BABAM2: variants seen among roughly 807,000 people sequenced by gnomAD.
BABAM2 encodes the protein BRISC and BRCA1-A complex member 2.
In BABAM2, 31 loss-of-function variants were observed where a neutral mutation model predicts 54.7. That is an observed-to-expected ratio of 0.57 (90% CI 0.43 to 0.77). BABAM2 has a LOEUF of 0.77. Among genes scored for constraint, BABAM2 ranks in the 30% least tolerant of loss-of-function variants. BABAM2 has a pLI of 0.00. For missense variants in BABAM2, 364 were observed against 455.8 expected, an observed-to-expected ratio of 0.80 and a Z score of 1.83; for synonymous variants, 167 against 162.9, an observed-to-expected ratio of 1.03 and a Z score of -0.19.
chr2:27,888,740 T>C (rs973061523), upstream of BABAM2, among the ~76,000 whole-genome samples: 1 of 152,064 alleles, frequency 6.6e-6, no homozygotes, highest in Admixed American at 6.6e-5. Context: ...CAGGATGTTC[T>C]TGTAAGGCTT....
At chr2:28,116,261 T>C (rs1456726754) in intron 6 of BABAM2, among the ~76,000 whole-genome samples, 1 of 152,180 alleles carries the variant, frequency 6.6e-6, no homozygotes, top group South Asian at 2.1e-4. Context: ...GGCCTTCCCA[T>C]AGACAGTTCC....
chr2:27,947,930 A>G lies in BABAM2; in HGVS notation c.205+18022A>G, dbSNP rs1669419523. ...GTGTGAGCATTTTTCTTAACTTTCT[A>G]GTCTGTCCTGTAGGTCTATATATCT... On this transcript the variant is annotated intron_variant, in intron 3 of 11. Transcript: ENST00000379624. Among the ~76,000 whole-genome samples, 5 of 152,138 alleles carry G rather than the reference A, an allele frequency of 3.3e-5. No individual in the cohort carries two copies. In the South Asian group the frequency reaches 1.0e-3, roughly 31 times the overall value.
At chr2:28,167,693 C>CAAAAAAA (rs373375104) in intron 7 of BABAM2, among the ~76,000 whole-genome samples, 2 of 103,800 alleles carry the variant, frequency 1.9e-5, no homozygotes, top group Non-Finnish European at 3.8e-5. Context: ...GACTCCATCT[C>CAAAAAAA]AAAAAAATAA....
At chr2:28,199,697 C>G (rs1678042158) in intron 7 of BABAM2, among the ~76,000 whole-genome samples, 1 of 152,128 alleles carries the variant, frequency 6.6e-6, no homozygotes, top group African/African-American at 2.4e-5. Context: ...AGAAAACGAA[C>G]TTCTGTGGTG....
intron 3 of BABAM2, among the ~76,000 whole-genome samples, chr2:27,976,410 T>A (rs1259663873): frequency 6.6e-6 from 1 of 152,084 alleles, no homozygotes; most frequent in East Asian, 1.9e-4. Flanking sequence ...ATGCAGCAAT[T>A]TGAGTCTCAA....
At chr2:28,171,129 A>C (rs1048724367) in intron 7 of BABAM2, among the ~76,000 whole-genome samples, 2 of 151,592 alleles carry the variant, frequency 1.3e-5, no homozygotes, top group Non-Finnish European at 2.9e-5. Flanking sequence ...ATATATATAT[A>C]TCTTGGAGAT....
chr2:28,073,298 C>G (rs185482865), intron 6 of BABAM2, among the ~76,000 whole-genome samples: 2 of 151,984 alleles, frequency 1.3e-5, no homozygotes, highest in Admixed American at 1.3e-4. Flanking sequence ...GGTTTGAGAC[C>G]AGCCTGGGCA....
intron 3 of BABAM2, among the ~76,000 whole-genome samples, chr2:27,962,269 CTAA>C (rs1177906860): frequency 6.6e-6 from 1 of 152,068 alleles, no homozygotes; most frequent in Non-Finnish European, 1.5e-5. Flanking sequence ...CTGCATCTGG[CTAA>C]TGTTTTAATT....
At position 28,071,174 on chromosome 2, in the gene BABAM2, C is replaced by G. The variant is rs141897057; in HGVS notation, c.570+25375C>G. 6.3e-3 allele frequency among the ~76,000 whole-genome samples: 959 copies of G among 152,316 alleles called. 7 individuals carry two copies. Among genetic ancestry groups the G allele is most frequent in the Non-Finnish European group, 7.9e-3 (536 of 68,014 alleles). ...GGAAGAAACCCTCGACATTCTTTGT[C>G]TTCATCACCGAGCTGCCCCTCAACT... On this transcript the variant is annotated intron_variant, in intron 6 of 11. Coordinates refer to ENST00000379624, the MANE Select transcript of BABAM2 (RefSeq NM_199191.3).
intron 3 of BABAM2, among the ~76,000 whole-genome samples, chr2:27,987,774 C>T (rs1333381229): frequency 4.1e-5 from 6 of 147,536 alleles, no homozygotes; most frequent in Admixed American, 1.4e-4. Context: ...AAGATGACAC[C>T]GTTGCACTCC....
intron 6 of BABAM2, among the ~76,000 whole-genome samples, chr2:28,109,498 C>T (rs929332817): frequency 6.6e-6 from 1 of 152,014 alleles, no homozygotes; most frequent in Admixed American, 6.5e-5. Flanking sequence ...AAGACACATA[C>T]TCTTAAGGTA....
At chr2:28,196,901 G>A (rs1449187070) in intron 7 of BABAM2, among the ~76,000 whole-genome samples, 3 of 134,666 alleles carry the variant, frequency 2.2e-5, no homozygotes, top group African/African-American at 8.5e-5. Context: ...CTGGAGTGCA[G>A]TGGCATGATC....
At chr2:28,039,912 GATA>G (rs1676938485) in intron 5 of BABAM2, among the ~76,000 whole-genome samples, 1 of 151,860 alleles carries the variant, frequency 6.6e-6, no homozygotes, top group Non-Finnish European at 1.5e-5. Context: ...TCATAGGTTA[GATA>G]ATTTTCTGCA....
chr2:27,992,221 AATTGG>A (rs1186211677), intron 4 of BABAM2, among the ~76,000 whole-genome samples: 5 of 152,204 alleles, frequency 3.3e-5, no homozygotes, highest in African/African-American at 1.2e-4. Flanking sequence ...CCCATTTAAA[AATTGG>A]ATTGTCTTTT....
At chr2:28,133,107 A>C (rs1670232037) in intron 7 of BABAM2, among the ~76,000 whole-genome samples, 1 of 152,236 alleles carries the variant, frequency 6.6e-6, no homozygotes. Flanking sequence ...TTAGAGAAAG[A>C]TTAACATAAA....
intron 10 of BABAM2, among the ~76,000 whole-genome samples, chr2:28,264,103 A>G (rs1684773873): frequency 6.6e-6 from 1 of 152,220 alleles, no homozygotes; most frequent in African/African-American, 2.4e-5. Context: ...TAAAGATACA[A>G]GTTTAGTTCC....
intron 5 of BABAM2, among the ~76,000 whole-genome samples, chr2:28,029,584 A>G (rs557454274): frequency 3.9e-5 from 6 of 152,142 alleles, no homozygotes; most frequent in African/African-American, 1.4e-4. Flanking sequence ...ACCATATTTT[A>G]CTTATCCATT....
intron 6 of BABAM2, among the ~76,000 whole-genome samples, chr2:28,050,592 C>A (rs1232309686): frequency 6.6e-6 from 1 of 152,140 alleles, no homozygotes; most frequent in Admixed American, 6.5e-5. Flanking sequence ...TGGGATTAGA[C>A]AAACAACAAA....
At chr2:28,181,346 A>T (rs1323601426) in intron 7 of BABAM2, among the ~76,000 whole-genome samples, 1 of 152,238 alleles carries the variant, frequency 6.6e-6, no homozygotes, top group African/African-American at 2.4e-5. Context: ...CTGCAGGTTA[A>T]GTGTTAAGTG....
Sources: allele counts gnomAD v4.1 joint callset (sites outside exome capture counted in the v4.1 genomes callset), GRCh38; gene constraint gnomAD v4.1.1; transcripts MANE v1.5; gene names NCBI Gene and HGNC (gene_info 2026-07-23, HGNC 2026-07-21).